Variants in RHOBTB3 observed in about 807,000 individuals in gnomAD.
The protein encoded by RHOBTB3 is rho-related BTB domain-containing protein 3.
Under a neutral mutation model 67.2 loss-of-function variants are expected in RHOBTB3, and 47 were observed. The ratio of observed to expected loss-of-function variants is 0.70; its 90% CI spans 0.55 to 0.89. The LOEUF (loss-of-function observed/expected upper bound fraction) is 0.89, where lower values mean the gene tolerates loss of function less well. RHOBTB3 is among the 40% of genes least tolerant of loss of function. The pLI is 0.00. For synonymous variants in RHOBTB3, 273 were observed against 274.2 expected (o/e 1.00, Z 0.04); for missense variants, 631 against 750.0 (o/e 0.84, Z 1.85).
chr5:95,793,922 T>A lies in RHOBTB3; in HGVS notation c.*748T>A. 2.2e-6 allele frequency: 1 copy of A among 446,658 alleles called. No individual in the cohort carries two copies. The allele number at this position is 446,658 out of a possible 1,614,324, so 27.7% of individuals were successfully genotyped here. A position where few individuals can be genotyped will look rare whatever the true frequency, so the allele number is the denominator to read the frequency against. On this transcript the variant is annotated 3_prime_UTR_variant, in exon 12 of 12. Transcript: ENST00000379982. Reference sequence around the variant, plus strand: ...TAATAATGTTTGAAGAAGGGCCCCATGATTTCATTTTGTGCTGAGCCCTCA... The same window carrying A: ...TAATAATGTTTGAAGAAGGGCCCCAAGATTTCATTTTGTGCTGAGCCCTCA...
upstream of RHOBTB3, chr5:95,731,107 T>G: frequency 9.0e-7 from 1 of 1,108,502 alleles, no homozygotes; most frequent in Non-Finnish European, 1.1e-6. Context: ...GCTCTCGGGC[T>G]GGGGCGTTGT....
chr5:95,731,677 G>A lies in RHOBTB3; in HGVS notation c.-6G>A. On this transcript the variant is annotated 5_prime_UTR_variant, in exon 1 of 12. Coordinates refer to ENST00000379982, the MANE Select transcript of RHOBTB3 (RefSeq NM_014899.4). ...GAGTCGCCGCCCTGCCCTTGGATTT[G>A]AGATCATGTACGTACGCGCCGCCGT... 1.2e-6 allele frequency: 2 copies of A among 1,613,500 alleles called. No homozygotes were observed. The highest frequency in any genetic ancestry group is 2.2e-5 in the South Asian group (2 of 90,988).
At chr5:95,729,286 C>T (rs1213181984), upstream of RHOBTB3, among the ~76,000 whole-genome samples, 2 of 152,204 alleles carry the variant, frequency 1.3e-5, no homozygotes, top group African/African-American at 4.8e-5. Flanking sequence ...TAACAAATTG[C>T]TTTAGCTTCT....
rs1314646209 is a variant in RHOBTB3, at chr5:95,732,202, T to A, written c.228+118T>A. On this transcript the variant is annotated intron_variant, in intron 2 of 11. Coordinates refer to ENST00000379982, the MANE Select transcript of RHOBTB3 (RefSeq NM_014899.4). ...GAGTGTCCGCGTTACATGGGTCAAA[T>A]TTTTAAACATTTTTGAGAAAATCTT... The A allele has an allele frequency of 3.5e-6, 3 of 859,056 alleles. No homozygotes were observed. In the African/African-American group the frequency reaches 5.1e-5, roughly 14 times the overall value. 53.2% of individuals were successfully genotyped at this position (859,056 alleles called of 1,614,324 possible). A position where few individuals can be genotyped will look rare whatever the true frequency, so the allele number is the denominator to read the frequency against.
At chr5:95,719,085 G>C (rs1177663838) in intron 1 of RHOBTB3, among the ~76,000 whole-genome samples, 1 of 152,164 alleles carries the variant, frequency 6.6e-6, no homozygotes, top group Non-Finnish European at 1.5e-5. Flanking sequence ...AGTTCATGAA[G>C]ACATTGAGAT....
rs775218445 is a variant in RHOBTB3, at chr5:95,780,290, C to T, written c.1321C>T (p.Arg441Cys). ...AGCCCACAGGGCCATCCTGGTGGCC[C>T]GTTGTGAAGTGATGGCAGCCATGTT... ...VPAHRAILVA[R>C]CEVMAAMFNG... The change falls in exon 9 of 12, where the codon CGT (arginine) becomes TGT (cysteine). Residue 441 changes from arginine to cysteine, a missense_variant. Transcript: ENST00000379982. 9 of 1,613,736 alleles carry T rather than the reference C, an allele frequency of 5.6e-6. No individual in the cohort carries two copies. The highest frequency in any genetic ancestry group is 5.0e-5 in the Admixed American group (3 of 59,988).
At chr5:95,743,107 CT>C (rs1755646968) in intron 3 of RHOBTB3, among the ~76,000 whole-genome samples, 1 of 152,046 alleles carries the variant, frequency 6.6e-6, no homozygotes, top group Admixed American at 6.6e-5. Context: ...AAAAAAAACT[CT>C]CAGGATAATT....
chr5:95,775,406 G>GTATATA (rs70978192), intron 8 of RHOBTB3, among the ~76,000 whole-genome samples: 4 of 144,202 alleles, frequency 2.8e-5, no homozygotes, highest in Admixed American at 7.0e-5. Context: ...ATATATATGT[G>GTATATA]TATATATATA....
At chr5:95,730,007 A>G (rs1359635537), upstream of RHOBTB3, among the ~76,000 whole-genome samples, 1 of 152,148 alleles carries the variant, frequency 6.6e-6, no homozygotes, top group Non-Finnish European at 1.5e-5. Flanking sequence ...GTGATCTTGC[A>G]TGCTGGAATT....
chr5:95,733,534 A>G (rs1451426619), intron 2 of RHOBTB3, among the ~76,000 whole-genome samples: 4 of 152,210 alleles, frequency 2.6e-5, no homozygotes, highest in Admixed American at 6.5e-5. Flanking sequence ...TTGTGATCCC[A>G]TACACTTTGT....
At chr5:95,743,432 C>G (rs1396015520) in intron 3 of RHOBTB3, among the ~76,000 whole-genome samples, 2 of 151,986 alleles carry the variant, frequency 1.3e-5, no homozygotes, top group Non-Finnish European at 2.9e-5. Context: ...CTCCTTGTTG[C>G]TCCCTGCATT....
intron 1 of RHOBTB3, among the ~76,000 whole-genome samples, chr5:95,722,404 A>G (rs1267532727): frequency 1.3e-5 from 2 of 152,242 alleles, no homozygotes; most frequent in Non-Finnish European, 2.9e-5. Context: ...AAAATTATGC[A>G]TAACTGCATA....
At chr5:95,767,895 G>A (rs973925246) in intron 7 of RHOBTB3, 151 bp from the exon 8 acceptor site, 17 of 788,780 alleles carry the variant, frequency 2.2e-5, no homozygotes, top group Non-Finnish European at 3.5e-5. Flanking sequence ...TTAAAGGTAA[G>A]TTCCTTTGAA....
chr5:95,768,581 A>G (rs1220103186), intron 8 of RHOBTB3, among the ~76,000 whole-genome samples: 2 of 152,112 alleles, frequency 1.3e-5, no homozygotes, highest in African/African-American at 2.4e-5. Context: ...AAAGGAATTG[A>G]CCATTATTTT....
At chr5:95,735,605 G>T (rs774582003) in intron 2 of RHOBTB3, among the ~76,000 whole-genome samples, 11 of 152,200 alleles carry the variant, frequency 7.2e-5, no homozygotes, top group Non-Finnish European at 1.2e-4. Flanking sequence ...GGACCTGTTA[G>T]TCAGACCTAG....
upstream of RHOBTB3, chr5:95,731,283 G>A (rs192627638): frequency 2.9e-4 from 298 of 1,021,716 alleles, no homozygotes; most frequent in African/African-American, 4.7e-3. Flanking sequence ...CGGAGGCCCC[G>A]ATCTCCCCGA....
At position 95,743,013 on chromosome 5, in the gene RHOBTB3, G is replaced by A. The variant is rs1000272576; in HGVS notation, c.416-5320G>A. ...GTGAACCTGGGAGGCGGAGGTTGCT[G>A]TGAGCCAAGATTGCGCCACTACACT... On this transcript the variant is annotated intron_variant, in intron 3 of 11. Coordinates refer to ENST00000379982, the MANE Select transcript of RHOBTB3 (RefSeq NM_014899.4). Among the ~76,000 whole-genome samples the A allele has an allele frequency of 2.6e-5, 4 of 152,300 alleles. No individual in the cohort carries two copies. In the East Asian group the frequency reaches 5.8e-4, roughly 22 times the overall value.
chr5:95,742,144 G>A (rs947416591), intron 3 of RHOBTB3, among the ~76,000 whole-genome samples: 2 of 152,160 alleles, frequency 1.3e-5, no homozygotes, highest in Non-Finnish European at 2.9e-5. Context: ...ATGATATTTA[G>A]AAACCAAGGT....
intron 8 of RHOBTB3, among the ~76,000 whole-genome samples, chr5:95,777,593 G>A (rs533199393): frequency 1.3e-5 from 2 of 152,246 alleles, no homozygotes; most frequent in Non-Finnish European, 2.9e-5. Flanking sequence ...CCTATTGCCA[G>A]TTAGTACGTA....
Sources: allele counts gnomAD v4.1 joint callset (sites outside exome capture counted in the v4.1 genomes callset), GRCh38; gene constraint gnomAD v4.1.1; transcripts MANE v1.5; gene names NCBI Gene and HGNC (gene_info 2026-07-23, HGNC 2026-07-21).